The following DLG5 variants were observed in gnomAD, a reference collection of about 807,000 sequenced individuals.
DLG5 encodes discs large MAGUK scaffold protein 5, also known as disks large homolog 5.
Under a neutral mutation model 189.8 loss-of-function variants are expected in DLG5, and 48 were observed. The observed-to-expected ratio is 0.25, with a 90% confidence interval of 0.20 to 0.32. DLG5 has a LOEUF of 0.32. Among genes scored for constraint, DLG5 ranks in the 10% least tolerant of loss-of-function variants. DLG5 has a pLI of 1.00. For synonymous variants in DLG5, 1,016 were observed against 1,054.1 expected (o/e 0.96, Z 0.70); for missense variants, 2,160 against 2,544.7 (o/e 0.85, Z 3.25).
Position 77,842,151 on chromosome 10 carries a change from C to T in DLG5, c.1167G>A (p.Gln389=). 1.2e-6 allele frequency: 2 copies of T among 1,608,776 alleles called. No individual in the cohort carries two copies. Among genetic ancestry groups the T allele is most frequent in the Non-Finnish European group, 1.7e-6 (2 of 1,180,018 alleles). The change falls in exon 7 of 32, where the codon CAG becomes CAA. Residue 389 remains glutamine, a synonymous_variant. Coordinates refer to ENST00000372391, the MANE Select transcript of DLG5 (RefSeq NM_004747.4). ...CCATCTCCCACTGCAGGTCCTTGTT[C>T]TGCGCCGTGGCCTTGTTCAGCTCAT... ...IHHELNKATA[Q]NKDLQWEMEL...
rs763760034 is a variant in DLG5, at chr10:77,819,444, G to C, written c.3548C>G (p.Thr1183Ser). The C allele has an allele frequency of 6.2e-7, 1 of 1,613,470 alleles. No homozygotes were observed. Among genetic ancestry groups the C allele is most frequent in the African/African-American group, 1.3e-5 (1 of 74,900 alleles). The change falls in exon 17 of 32, where the codon ACC becomes AGC. Residue 1183 changes from threonine (T) to serine (S), a missense_variant. Around this residue, in one of 5 missense-constraint regions of DLG5, gnomAD observed 754 missense variants for 746.5 expected, o/e 1.01. Coordinates refer to ENST00000372391, the MANE Select transcript of DLG5 (RefSeq NM_004747.4). Reference sequence around the variant, plus strand: ...GATGGAGCTCACAGTGGTGCTGGGGGTCAAACTCCGGGGAACAGTGCCTAG... The same window carrying C: ...GATGGAGCTCACAGTGGTGCTGGGGCTCAAACTCCGGGGAACAGTGCCTAG... ...PSVGTVPRSL[T>S]PSTTVSSILR...
chr10:77,813,623 C>T (rs981769401), intron 20 of DLG5, among the ~76,000 whole-genome samples: 3 of 152,156 alleles, frequency 2.0e-5, no homozygotes, highest in African/African-American at 7.2e-5. Context: ...CACACAGCCA[C>T]CCCTACATCA....
intron 8 of DLG5, among the ~76,000 whole-genome samples, chr10:77,835,142 C>A (rs1843062756): frequency 6.6e-6 from 1 of 152,120 alleles, no homozygotes; most frequent in South Asian, 2.1e-4. Context: ...CTGCCCTGAG[C>A]ACACTCCACA....
intron 5 of DLG5, among the ~76,000 whole-genome samples, chr10:77,849,121 C>T (rs547162513): frequency 6.6e-6 from 1 of 152,318 alleles, no homozygotes; most frequent in Non-Finnish European, 1.5e-5. Flanking sequence ...CTGTGTGCTG[C>T]TCTCAACCAT....
intron 18 of DLG5, among the ~76,000 whole-genome samples, chr10:77,817,389 A>T (rs1332055174): frequency 6.6e-6 from 1 of 152,206 alleles, no homozygotes; most frequent in Non-Finnish European, 1.5e-5. Flanking sequence ...CCAGCGCCAG[A>T]GTTCCCCAAG....
chr10:77,796,644 C>A lies in DLG5; in HGVS notation c.5165-50G>T. On this transcript the variant is annotated intron_variant, in intron 27 of 31. Coordinates refer to ENST00000372391, the MANE Select transcript of DLG5 (RefSeq NM_004747.4). This position sits in a 1 kb window ranked among gnomAD's most constrained non-coding sequence, Gnocchi z 5.2. ...CACGGACCCAGCTTGGAGTGGAGGA[C>A]CTGAGTGGGGCTGGGGAACCCCGCT... 1 of 1,608,680 alleles carries A rather than the reference C, an allele frequency of 6.2e-7. No individual in the cohort carries two copies. Among genetic ancestry groups the A allele is most frequent in the Non-Finnish European group, 8.5e-7 (1 of 1,176,252 alleles).
At chr10:77,808,992 A>G (rs1003717607) in intron 24 of DLG5, among the ~76,000 whole-genome samples, 38 of 152,096 alleles carry the variant, frequency 2.5e-4, no homozygotes, top group African/African-American at 9.2e-4. Flanking sequence ...TCAGCTACTC[A>G]GGAGGCTGAG....
At chr10:77,853,941 A>C (rs2154576683) in intron 4 of DLG5, among the ~76,000 whole-genome samples, 2 of 152,314 alleles carry the variant, frequency 1.3e-5, no homozygotes, top group South Asian at 4.1e-4. Flanking sequence ...GGGCCCCTGG[A>C]CAGAGACCCA....
At chr10:77,861,992 C>T (rs1844490549) in intron 2 of DLG5, among the ~76,000 whole-genome samples, 1 of 152,238 alleles carries the variant, frequency 6.6e-6, no homozygotes, top group Non-Finnish European at 1.5e-5. Flanking sequence ...AGGAGGGCCA[C>T]AGGGGACCTC....
chr10:77,810,207 A>G (rs750656625), intron 23 of DLG5, among the ~76,000 whole-genome samples: 2 of 152,226 alleles, frequency 1.3e-5, no homozygotes, highest in African/African-American at 4.8e-5. Flanking sequence ...GGCACTTACA[A>G]TCAAGGAAGG....
In DLG5 at chr10:77,926,233, C is replaced by A; in HGVS notation, c.288G>T (p.Gln96His). 1 of 1,508,768 alleles carries A rather than the reference C, an allele frequency of 6.6e-7. No individual in the cohort carries two copies. Among genetic ancestry groups the A allele is most frequent in the South Asian group, 1.3e-5 (1 of 75,740 alleles). The allele number at this position is 1,508,768 out of a possible 1,614,324, so 93.5% of individuals were successfully genotyped here. A position where few individuals can be genotyped will look rare whatever the true frequency, so the allele number is the denominator to read the frequency against. ...LYLNGVVGPP[Q>H]PAEGAGSTYS... ...GCCACTCACCCGCGCCTTCGGCGGGCTGCGGCGGCCCGACGACGCCGTTCA... is the reference window on the plus strand; with the variant it reads ...GCCACTCACCCGCGCCTTCGGCGGGATGCGGCGGCCCGACGACGCCGTTCA... The change falls in exon 1 of 32, where the codon CAG becomes CAT. Residue 96 changes from glutamine (Q) to histidine (H), a missense_variant. Gln to His is a conservative substitution (Grantham distance 24). This residue lies in a region of DLG5 where 664 missense variants were observed against 838.5 expected (regional missense o/e 0.79). Coordinates refer to ENST00000372391, the MANE Select transcript of DLG5 (RefSeq NM_004747.4). This position sits in a 1 kb window ranked among gnomAD's most constrained non-coding sequence, Gnocchi z 5.2.
chr10:77,792,590 C>A, intron 31 of DLG5, 47 bp from the exon 32 acceptor site: 1 of 1,589,010 alleles, frequency 6.3e-7, no homozygotes, highest in Middle Eastern at 1.7e-4. Context: ...GAGTAAGACC[C>A]CAGGTTTGAG....
At chr10:77,830,953 G>A in intron 9 of DLG5, 80 bp from the exon 10 acceptor site, 7 of 1,529,956 alleles carry the variant, frequency 4.6e-6, no homozygotes, top group Non-Finnish European at 4.4e-6. Context: ...ACCTCACGAG[G>A]CAGGCCATTT....
intron 7 of DLG5, among the ~76,000 whole-genome samples, chr10:77,837,800 G>A (rs921582726): frequency 1.3e-4 from 20 of 152,192 alleles, no homozygotes; most frequent in South Asian, 2.1e-4. Context: ...CTCTAAAAGC[G>A]CCACCTGCAG....
chr10:77,872,949 G>A (rs1302319796), intron 1 of DLG5, among the ~76,000 whole-genome samples: 1 of 151,832 alleles, frequency 6.6e-6, no homozygotes, highest in African/African-American at 2.4e-5. Context: ...GAAACAGTGT[G>A]GAGGGACATT....
At position 77,926,666 on chromosome 10, in the gene DLG5, TG is replaced by T; in HGVS notation, c.-147del. On this transcript the variant is annotated 5_prime_UTR_variant, in exon 1 of 32. Transcript: ENST00000372391. This position sits in a 1 kb window ranked among gnomAD's most constrained non-coding sequence, Gnocchi z 5.2. ...GCCATGGGCCGGGGCCTGGGCGGGC[TG>T]GGGGCCCGGGGCGGCGGGCGGCGCT... is the stretch of plus-strand genomic sequence containing the variant. The T allele has an allele frequency of 4.4e-6, 2 of 454,648 alleles. No homozygotes were observed. Among genetic ancestry groups the T allele is most frequent in the South Asian group, 9.1e-5 (1 of 11,020 alleles). The allele number at this position is 454,648 out of a possible 1,614,324, so 28.2% of individuals were successfully genotyped here.
intron 3 of DLG5, among the ~76,000 whole-genome samples, chr10:77,856,349 C>A (rs1198215073): frequency 6.6e-6 from 1 of 152,112 alleles, no homozygotes; most frequent in African/African-American, 2.4e-5. Flanking sequence ...AAGACCCCGT[C>A]TCAAAAAACA....
At chr10:77,907,175 T>TG (rs1388012383) in intron 1 of DLG5, among the ~76,000 whole-genome samples, 1 of 152,144 alleles carries the variant, frequency 6.6e-6, no homozygotes, top group African/African-American at 2.4e-5. Context: ...CACCCTGAGT[T>TG]GGGGGTAGAG....
intron 23 of DLG5, among the ~76,000 whole-genome samples, chr10:77,810,131 T>C (rs1012789088): frequency 1.3e-5 from 2 of 152,224 alleles, no homozygotes; most frequent in Non-Finnish European, 2.9e-5. Context: ...ATTCAGCAAA[T>C]GTCTACGAAG....
Sources: gnomAD v4.1 joint callset for allele counts (sites outside exome capture counted in the v4.1 genomes callset) on GRCh38, gnomAD v4.1.1 for gene constraint, gnomAD v4.1.1 regional missense constraint, Gnocchi (gnomAD v3.1) non-coding constraint, MANE v1.5 for transcripts, NCBI Gene and HGNC (gene_info 2026-07-23, HGNC 2026-07-21) for gene names.